The following CDK19 variants were observed in gnomAD, a reference collection of about 807,000 sequenced individuals.
CDK19 encodes cyclin dependent kinase 19, also known as cyclin-dependent kinase 19.
Under a neutral mutation model 68.3 loss-of-function variants are expected in CDK19, and 20 were observed. The ratio of observed to expected loss-of-function variants is 0.29; its 90% CI spans 0.21 to 0.43. CDK19 has a LOEUF of 0.43. CDK19 is among the 20% of genes least tolerant of loss of function. CDK19 has a pLI of 1.00. For synonymous variants in CDK19, 221 were observed against 222.8 expected (o/e 0.99, Z 0.07); for missense variants, 339 against 623.5 (o/e 0.54, Z 4.86).
chr6:110,644,120 T>C (rs546655085), intron 4 of CDK19, among the ~76,000 whole-genome samples: 1 of 151,916 alleles, frequency 6.6e-6, no homozygotes, highest in Non-Finnish European at 1.5e-5. Context: ...GGTGAAACCC[T>C]GTCTCTACTG....
rs1005624197 is a variant in CDK19 at position 110,659,708 on chromosome 6, C to T, written c.456+7726G>A. Among the ~76,000 whole-genome samples the T allele has an allele frequency of 3.3e-5, 5 of 151,808 alleles. 1 individual carries two copies. Among genetic ancestry groups the T allele is most frequent in the Middle Eastern group, 6.8e-3 (2 of 292 alleles). ...ACTTAAGTGGATTAAATCTGTGGTT[C>T]GACAGCAGGGAGGGGAAGAAGAGAA... is the stretch of plus-strand genomic sequence containing the variant. On this transcript the variant is annotated intron_variant, in intron 4 of 12. Coordinates refer to ENST00000368911, the MANE Select transcript of CDK19 (RefSeq NM_015076.5).
chr6:110,648,354 G>A (rs559452575), intron 4 of CDK19, among the ~76,000 whole-genome samples: 3 of 151,810 alleles, frequency 2.0e-5, no homozygotes, highest in African/African-American at 7.3e-5. Context: ...CAAGATGTCT[G>A]GCTAACTGAA....
intron 1 of CDK19, among the ~76,000 whole-genome samples, chr6:110,792,967 C>T (rs892166790): frequency 6.6e-5 from 10 of 152,140 alleles, no homozygotes; most frequent in African/African-American, 2.4e-4. Context: ...TCCAACAGAT[C>T]TTACAGATGG....
chr6:110,642,623 C>T (rs73524678), intron 4 of CDK19, among the ~76,000 whole-genome samples: 3,126 of 152,248 alleles, frequency 0.021, 109 homozygotes, highest in African/African-American at 0.072. Context: ...ACTAAGTGCT[C>T]TGAGGGACCC....
intron 1 of CDK19, among the ~76,000 whole-genome samples, chr6:110,790,325 C>G (rs1445731288): frequency 1.3e-5 from 2 of 151,908 alleles, no homozygotes; most frequent in Non-Finnish European, 2.9e-5. Flanking sequence ...CACTTGAGGT[C>G]TGGATTCAAG....
chr6:110,679,707 T>G (rs953512428), intron 2 of CDK19, among the ~76,000 whole-genome samples: 6 of 152,216 alleles, frequency 3.9e-5, no homozygotes, highest in Non-Finnish European at 7.3e-5. Context: ...TTTTACCTTT[T>G]TTGAAAACAA....
At chr6:110,700,490 C>T (rs1026209059) in intron 2 of CDK19, 5 of 151,940 alleles carry the variant, frequency 3.3e-5, no homozygotes, top group African/African-American at 1.2e-4. Flanking sequence ...TCTGGTCTGC[C>T]ACTCCCGCTC....
chr6:110,766,121 C>G (rs534719627), intron 1 of CDK19, among the ~76,000 whole-genome samples: 1 of 152,298 alleles, frequency 6.6e-6, no homozygotes, highest in South Asian at 2.1e-4. Context: ...GAAAGAGAAT[C>G]AGTATGTCAA....
intron 4 of CDK19, among the ~76,000 whole-genome samples, chr6:110,666,907 G>A (rs1028030044): frequency 6.6e-6 from 1 of 151,924 alleles, no homozygotes; most frequent in Non-Finnish European, 1.5e-5. Flanking sequence ...CATGTATACT[G>A]AATAAAAAAA....
intron 1 of CDK19, among the ~76,000 whole-genome samples, chr6:110,811,696 G>A (rs994990911): frequency 1.3e-5 from 2 of 152,022 alleles, no homozygotes; most frequent in African/African-American, 4.8e-5. Flanking sequence ...ATTCTTGCTT[G>A]TATTAAAAAG....
intron 4 of CDK19, among the ~76,000 whole-genome samples, chr6:110,643,994 T>C (rs1373677017): frequency 6.6e-6 from 1 of 151,572 alleles, no homozygotes; most frequent in Non-Finnish European, 1.5e-5. Context: ...AATTAAACTT[T>C]TAAAAATTAA....
chr6:110,758,007 C>A (rs1345737015), intron 1 of CDK19, among the ~76,000 whole-genome samples: 1 of 151,926 alleles, frequency 6.6e-6, no homozygotes, highest in South Asian at 2.1e-4. Context: ...GCCTGGGCAA[C>A]GTGGCAAGAC....
chr6:110,646,403 G>C, intron 4 of CDK19: 1 of 1,484,196 alleles, frequency 6.7e-7, no homozygotes, highest in South Asian at 1.3e-5. Context: ...GGGGCTGCTG[G>C]CGGGCGGCGA....
rs1778683368 is a variant in CDK19, at chr6:110,621,119, C to T, written c.1362G>A (p.Met454Ile). ...CAGGGAGTACCTGATAATCCGAGGG[C>T]ATCACAGGTCCACCTGAGTTTGCGC... ...PSGANSGGPV[M>I]PSDYQHSSSR... Residue 454 changes from methionine to isoleucine, a missense_variant, in exon 12 of 13, where the codon ATG becomes ATA. Physicochemically the swap from Met to Ile is conservative, Grantham distance 10. Transcript: ENST00000368911. This position sits in a 1 kb window ranked among gnomAD's most constrained non-coding sequence, Gnocchi z 5.4. 3.1e-6 allele frequency: 5 copies of T among 1,613,150 alleles called. No individual in the cohort carries two copies. The highest frequency in any genetic ancestry group is 1.7e-4 in the Middle Eastern group (1 of 6,060).
At position 110,815,044 on chromosome 6, in the gene CDK19, G is replaced by A; in HGVS notation, c.93C>T (p.Thr31=). The change falls in exon 1 of 13, where the codon ACC becomes ACT. Residue 31 remains threonine (T), a synonymous_variant. Coordinates refer to ENST00000368911, the MANE Select transcript of CDK19 (RefSeq NM_015076.5). The part of the protein sequence containing the change: ...EYEGCKVGRG[T]YGHVYKARRK... ...GCCTCGCCTTGTAGACGTGACCGTAGGTGCCGCGTCCCACTTTGCACCCTT... is the reference window on the plus strand; with the variant it reads ...GCCTCGCCTTGTAGACGTGACCGTAAGTGCCGCGTCCCACTTTGCACCCTT... 1 of 1,604,648 alleles carries A rather than the reference G, an allele frequency of 6.2e-7. No homozygotes were observed. Among genetic ancestry groups the A allele is most frequent in the Non-Finnish European group, 8.5e-7 (1 of 1,176,322 alleles).
At chr6:110,805,420 T>C (rs147124976) in intron 1 of CDK19, among the ~76,000 whole-genome samples, 73 of 152,350 alleles carry the variant, frequency 4.8e-4, no homozygotes, top group African/African-American at 1.7e-3. Context: ...CAAATTGTAA[T>C]ATATTGCTTT....
chr6:110,748,763 T>C (rs1270061310), intron 1 of CDK19, among the ~76,000 whole-genome samples: 3 of 152,242 alleles, frequency 2.0e-5, no homozygotes, highest in Admixed American at 6.5e-5. Context: ...GGAAGCTTTA[T>C]TGCTCTCATC....
chr6:110,804,495 G>A (rs1782543105), intron 1 of CDK19, among the ~76,000 whole-genome samples: 1 of 151,482 alleles, frequency 6.6e-6, no homozygotes, highest in Admixed American at 6.6e-5. Context: ...CAGGGTAGGT[G>A]CGTGCCACCA....
intron 1 of CDK19, among the ~76,000 whole-genome samples, chr6:110,760,396 CAAAAAAA>C (rs34613571): frequency 7.5e-5 from 3 of 39,778 alleles, no homozygotes; most frequent in Admixed American, 3.5e-4. Flanking sequence ...GGCTTTGTCT[CAAAAAAA>C]AAAAAAAAAA....
Sources: allele counts gnomAD v4.1 joint callset (sites outside exome capture counted in the v4.1 genomes callset), GRCh38; gene constraint gnomAD v4.1.1; non-coding constraint Gnocchi (gnomAD v3.1); transcripts MANE v1.5; gene names NCBI Gene and HGNC (gene_info 2026-07-23, HGNC 2026-07-21).